DNAJC7: variants seen among roughly 807,000 people sequenced by gnomAD.
DNAJC7 encodes dnaJ homolog subfamily C member 7.
A neutral mutation model predicts 67.4 loss-of-function variants in DNAJC7; 18 were observed. The observed-to-expected ratio is 0.27, with a 90% CI of 0.18 to 0.40. The LOEUF (loss-of-function observed/expected upper bound fraction) is 0.40, where lower values mean the gene tolerates loss of function less well. DNAJC7 is among the 10% of genes least tolerant of loss of function. The pLI, the probability that DNAJC7 is intolerant of heterozygous loss-of-function variation, is 1.00. For missense variants in DNAJC7, 419 were observed against 613.8 expected, an observed-to-expected ratio of 0.68 and a Z score of 3.35; for synonymous variants, 220 against 207.8, an observed-to-expected ratio of 1.06 and a Z score of -0.50.
At chr17:42,001,641 G>A (rs2051809574) in intron 1 of DNAJC7, among the ~76,000 whole-genome samples, 1 of 152,136 alleles carries the variant, frequency 6.6e-6, no homozygotes. Flanking sequence ...TTGTTCACAT[G>A]CAAAAAAGAA....
chr17:41,982,484 T>TA (rs2051275235), intron 10 of DNAJC7, 83 bp from the exon 11 acceptor site: 7 of 1,531,580 alleles, frequency 4.6e-6, no homozygotes, highest in Non-Finnish European at 6.2e-6. Flanking sequence ...GCCTGGGAGT[T>TA]AGAGGCCTTG....
At chr17:41,996,790 AAAAC>A (rs782749207) in intron 3 of DNAJC7, among the ~76,000 whole-genome samples, 5 of 152,214 alleles carry the variant, frequency 3.3e-5, no homozygotes, top group African/African-American at 4.8e-5. Context: ...CTCAAAAACA[AAAAC>A]AAACAAACGA....
At chr17:41,986,075 A>AAAAAAAATAAAAAAT (rs1555646755) in intron 9 of DNAJC7, 11 of 145,150 alleles carry the variant, frequency 7.6e-5, no homozygotes, top group Non-Finnish European at 1.2e-4. Flanking sequence ...AAAAAAAAAA[A>AAAAAAAATAAAAAAT]AAAAGGCCGG....
chr17:41,999,626 T>G (rs782678385), intron 2 of DNAJC7, among the ~76,000 whole-genome samples: 1 of 152,088 alleles, frequency 6.6e-6, no homozygotes, highest in Non-Finnish European at 1.5e-5. Flanking sequence ...GTTCAAGCGA[T>G]TCTCCTGCCT....
chr17:41,989,457 C>G lies in DNAJC7; in HGVS notation c.700G>C (p.Val234Leu), dbSNP rs201946741. 1.2e-6 allele frequency: 2 copies of G among 1,613,990 alleles called. No individual in the cohort carries two copies. Among genetic ancestry groups the G allele is most frequent in the Admixed American group, 3.3e-5 (2 of 60,018 alleles). The change falls in exon 7 of 14, where the codon GTA (valine) becomes CTA (leucine). Residue 234 changes from valine (V) to leucine (L), a missense_variant. Val to Leu is a conservative substitution (Grantham distance 32, BLOSUM62 1). Transcript: ENST00000457167. Reference sequence around the variant, plus strand: ...TCAGGAGCCATCCTGAGAGCCTGTACGAAAAACTGAACTGCCTTCTCAATA... The same window carrying G: ...TCAGGAGCCATCCTGAGAGCCTGTAGGAAAAACTGAACTGCCTTCTCAATA... ...DCIEKAVQFFVQALRMAPDHE... is the reference protein window; with the variant it reads ...DCIEKAVQFFLQALRMAPDHE...
At chr17:42,003,938 T>A (rs1209950066) in intron 1 of DNAJC7, among the ~76,000 whole-genome samples, 13 of 146,140 alleles carry the variant, frequency 8.9e-5, no homozygotes, top group African/African-American at 3.0e-4. Flanking sequence ...GCATTTCCAA[T>A]GAAGATTTTC....
rs782560378 is a variant in DNAJC7, at chr17:41,997,244, A to C, written c.167-5T>G. ...TAGCATTTTTAGGACACATATCTAT[A>C]GGAAAGGCAGAAGAACGTAAAACAA... On this transcript the variant is annotated splice_polypyrimidine_tract_variant and splice_region_variant and intron_variant, in intron 2 of 13. Transcript: ENST00000457167. 2 of 1,613,034 alleles carry C rather than the reference A, an allele frequency of 1.2e-6. No individual in the cohort carries two copies. The highest frequency in any genetic ancestry group is 2.2e-5 in the South Asian group (2 of 90,960).
chr17:42,000,735 G>C (rs1319861119), intron 1 of DNAJC7, among the ~76,000 whole-genome samples, 165 bp from the exon 2 acceptor site: 3 of 152,158 alleles, frequency 2.0e-5, no homozygotes, highest in Non-Finnish European at 2.9e-5. Flanking sequence ...GGACCAAAAG[G>C]AGGTGCTAAT....
chr17:41,987,997 AG>A, intron 8 of DNAJC7, 87 bp from the exon 9 acceptor site: 1 of 1,101,428 alleles, frequency 9.1e-7, no homozygotes, highest in Non-Finnish European at 1.3e-6. Flanking sequence ...AAACTCTAAG[AG>A]GATCAGTCAT....
At chr17:41,997,788 C>T (rs2051701628) in intron 2 of DNAJC7, among the ~76,000 whole-genome samples, 1 of 152,078 alleles carries the variant, frequency 6.6e-6, no homozygotes, top group South Asian at 2.1e-4. Flanking sequence ...TCAAGTGATT[C>T]TTGTGCCTTA....
At chr17:41,994,740 C>T (rs1337338176) in intron 5 of DNAJC7, 130 bp downstream of exon 5, 21 of 713,390 alleles carry the variant, frequency 2.9e-5, no homozygotes, top group Middle Eastern at 2.4e-4. Flanking sequence ...AAGTCAGAAG[C>T]CTAATTTAAG....
intron 5 of DNAJC7, among the ~76,000 whole-genome samples, chr17:41,993,076 G>A (rs189861191): frequency 2.0e-5 from 3 of 152,144 alleles, no homozygotes; most frequent in Non-Finnish European, 4.4e-5. Context: ...AGTTACTGCC[G>A]GGACTCTGCA....
intron 8 of DNAJC7, 96 bp from the exon 9 acceptor site, chr17:41,988,006 C>T: frequency 5.2e-6 from 5 of 970,180 alleles, no homozygotes; most frequent in Non-Finnish European, 7.8e-6. Flanking sequence ...GAGGATCAGT[C>T]ATGCTGGCCC....
At chr17:42,009,724 C>T (rs1278396650) in intron 1 of DNAJC7, among the ~76,000 whole-genome samples, 2 of 152,186 alleles carry the variant, frequency 1.3e-5, no homozygotes, top group African/African-American at 4.8e-5. Flanking sequence ...TAGCCAGAGG[C>T]TTGTTTTCAT....
intron 2 of DNAJC7, among the ~76,000 whole-genome samples, chr17:41,998,792 A>G (rs1555649022): frequency 6.6e-6 from 1 of 152,244 alleles, no homozygotes; most frequent in Non-Finnish European, 1.5e-5. Context: ...AAATGAATTG[A>G]CAATGACTGA....
intron 2 of DNAJC7, among the ~76,000 whole-genome samples, chr17:41,999,077 T>C (rs1472678895): frequency 2.0e-5 from 3 of 151,988 alleles, no homozygotes; most frequent in Non-Finnish European, 4.4e-5. Flanking sequence ...AAAGTTATCA[T>C]TCATGAGTTT....
In DNAJC7 at chr17:41,983,558, C is replaced by T; in HGVS notation, c.1084+5G>A. The T allele has an allele frequency of 6.3e-7, 1 of 1,579,898 alleles. No homozygotes were observed. Among genetic ancestry groups the T allele is most frequent in the Non-Finnish European group, 8.6e-7 (1 of 1,161,152 alleles). On this transcript the variant is annotated splice_donor_5th_base_variant and intron_variant, in intron 10 of 13. Transcript: ENST00000457167. Reference sequence around the variant, plus strand: ...TCCCTAAAAAACAAATGCTTTTAAACTTACCTTTTGTTTTCTCTGTCTGGT... The same window carrying T: ...TCCCTAAAAAACAAATGCTTTTAAATTTACCTTTTGTTTTCTCTGTCTGGT...
At chr17:41,998,833 T>G (rs2051728652) in intron 2 of DNAJC7, among the ~76,000 whole-genome samples, 1 of 152,152 alleles carries the variant, frequency 6.6e-6, no homozygotes. Flanking sequence ...GCCATAACAT[T>G]CAGTATTTCT....
At chr17:41,988,032 A>T in intron 8 of DNAJC7, 122 bp from the exon 9 acceptor site, 1 of 776,364 alleles carries the variant, frequency 1.3e-6, no homozygotes, top group East Asian at 2.7e-5. Flanking sequence ...ATGTCATATT[A>T]AGTTCTAGTT....
Sources: gnomAD v4.1 joint callset for allele counts (sites outside exome capture counted in the v4.1 genomes callset) on GRCh38, gnomAD v4.1.1 for gene constraint, MANE v1.5 for transcripts, NCBI Gene and HGNC (gene_info 2026-07-23, HGNC 2026-07-21) for gene names.